The following SH2B1 variants were observed in gnomAD, a reference collection of about 807,000 sequenced individuals.
SH2B1 encodes the protein SH2B adaptor protein 1.
A neutral mutation model predicts 62.6 loss-of-function variants in SH2B1; 15 were observed. The ratio of observed to expected loss-of-function variants is 0.24; its 90% CI spans 0.16 to 0.37. SH2B1 has a LOEUF of 0.37. Among genes scored for constraint, SH2B1 ranks in the 10% least tolerant of loss-of-function variants. The pLI, the probability that SH2B1 is intolerant of heterozygous loss-of-function variation, is 1.00. For synonymous variants in SH2B1, 443 were observed against 438.0 expected, an observed-to-expected ratio of 1.01 and a Z score of -0.14; for missense variants, 925 against 1,015.6, an observed-to-expected ratio of 0.91 and a Z score of 1.21.
chr16:28,853,576 A>C (rs1962256979), intron 1 of SH2B1, among the ~76,000 whole-genome samples: 1 of 138,830 alleles, frequency 7.2e-6, no homozygotes, highest in African/African-American at 2.7e-5. Context: ...GGCTAGTCTC[A>C]AATTTCTGGC....
Position 28,873,678 on chromosome 16 carries a change from C to T in SH2B1, c.2129C>T (p.Pro710Leu), listed in dbSNP as rs1441487673. Residue 710 changes from proline (P) to leucine (L), a missense_variant, in exon 8 of 8, where the codon CCA becomes CTA. This residue lies in a region of SH2B1 where 185 missense variants were observed against 189.5 expected (regional missense o/e 0.98). Transcript: ENST00000684370. This position sits in a 1 kb window ranked among gnomAD's most constrained non-coding sequence, Gnocchi z 4.2. ...PVVELEEAIA[P>L]GSEAQGAGSG... ...GTTGAATTGGAAGAGGCCATAGCCC[C>T]AGGCTCAGAGGCCCAGGGCGCTGGG... 6.6e-7 allele frequency: 1 copy of T among 1,523,248 alleles called. No individual in the cohort carries two copies. Among genetic ancestry groups the T allele is most frequent in the Non-Finnish European group, 8.8e-7 (1 of 1,132,986 alleles). The allele number at this position is 1,523,248 out of a possible 1,614,324, so 94.4% of individuals were successfully genotyped here. A position where few individuals can be genotyped will look rare whatever the true frequency, so the allele number is the denominator to read the frequency against.
chr16:28,847,823 T>TC (rs967501686), intron 1 of SH2B1, among the ~76,000 whole-genome samples: 1 of 132,250 alleles, frequency 7.6e-6, no homozygotes, highest in African/African-American at 2.9e-5. Context: ...CATCTTTTTT[T>TC]TTTTTTTTTT....
chr16:28,853,014 TTA>T (rs1331849407), intron 1 of SH2B1, among the ~76,000 whole-genome samples: 1 of 77,098 alleles, frequency 1.3e-5, no homozygotes, highest in Non-Finnish European at 2.2e-5. Context: ...ACATATATAT[TTA>T]TATATGTACA....
intron 1 of SH2B1, among the ~76,000 whole-genome samples, chr16:28,852,732 A>G (rs1190336745): frequency 1.5e-5 from 1 of 64,670 alleles, no homozygotes; most frequent in East Asian, 4.0e-4. Flanking sequence ...ATTTATATAT[A>G]TACATATATA....
rs1276265494 is a variant in SH2B1 at position 28,852,567 on chromosome 16, TAC to T, written c.-301+5744_-301+5745del. ...ATATATATACACATATTTATATATA[TAC>T]ACATATATATTTATATATATACACA... is the stretch of plus-strand genomic sequence containing the variant. On this transcript the variant is annotated intron_variant, in intron 1 of 10. Transcript: ENST00000322610. Among the ~76,000 whole-genome samples, 16 of 37,436 alleles carry T rather than the reference TAC, an allele frequency of 4.3e-4. 4 individuals carry two copies. The highest frequency in any genetic ancestry group is 2.6e-3 in the African/African-American group (15 of 5,854). 24.6% of individuals were successfully genotyped at this position (37,436 alleles called of 152,430 possible).
At chr16:28,855,066 G>GT (rs1189409449) in intron 1 of SH2B1, among the ~76,000 whole-genome samples, 2 of 151,952 alleles carry the variant, frequency 1.3e-5, no homozygotes, top group Non-Finnish European at 2.9e-5. Context: ...AGTAGACAGG[G>GT]TATCACCATG....
In SH2B1 at chr16:28,852,746, T is replaced by G. The variant is rs1275470653; in HGVS notation, c.-301+5919T>G. Among the ~76,000 whole-genome samples the G allele has an allele frequency of 1.1e-4, 6 of 53,440 alleles. 1 individual carries two copies. Among genetic ancestry groups the G allele is most frequent in the East Asian group, 5.8e-4 (1 of 1,722 alleles). 35.1% of individuals were successfully genotyped at this position (53,440 alleles called of 152,430 possible). A position where few individuals can be genotyped will look rare whatever the true frequency, so the allele number is the denominator to read the frequency against. On this transcript the variant is annotated intron_variant, in intron 1 of 10. Transcript: ENST00000322610. ...TATTTATATATATACATATATATATTTACATATATATGTATATATATATTT... is the reference window on the plus strand; with the variant it reads ...TATTTATATATATACATATATATATGTACATATATATGTATATATATATTT...
In SH2B1 at chr16:28,872,740, C is replaced by T. The variant is rs751731030; in HGVS notation, c.1897+35C>T. On this transcript the variant is annotated intron_variant, in intron 7 of 7. Coordinates refer to ENST00000684370, the MANE Select transcript of SH2B1 (RefSeq NM_001387430.1). The surrounding 1 kb of genome is among the most constrained non-coding windows in gnomAD (Gnocchi z 5.3). ...GCAGGTCTGCAGGGGAGGAGGTGCC[C>T]GTGCACCCAAGAAGTGAGGTGTGTG... The T allele has an allele frequency of 1.1e-5, 17 of 1,612,014 alleles. No homozygotes were observed. The highest frequency in any genetic ancestry group is 1.6e-4 in the Middle Eastern group (1 of 6,082).
chr16:28,850,715 C>T (rs1226723096), intron 1 of SH2B1, among the ~76,000 whole-genome samples: 1 of 150,956 alleles, frequency 6.6e-6, no homozygotes, highest in Non-Finnish European at 1.5e-5. Flanking sequence ...AAAAATTAGC[C>T]AGGAGTGGTG....
At chr16:28,870,993 C>CTG (rs1962991907) in intron 4 of SH2B1, among the ~76,000 whole-genome samples, 1 of 126,946 alleles carries the variant, frequency 7.9e-6, no homozygotes, top group East Asian at 2.5e-4. Flanking sequence ...AGCCAGAATT[C>CTG]CGTGTGTGTG....
chr16:28,851,172 C>CAAAAAAAA (rs370837963), intron 1 of SH2B1, among the ~76,000 whole-genome samples: 1 of 130,066 alleles, frequency 7.7e-6, no homozygotes, highest in Non-Finnish European at 1.6e-5. Context: ...GACTCTGTCT[C>CAAAAAAAA]AAAAAGAAAA....
upstream of SH2B1, chr16:28,862,612 C>CTTTTT (rs71140999): frequency 2.2e-5 from 2 of 92,272 alleles, no homozygotes; most frequent in Non-Finnish European, 4.1e-5. Flanking sequence ...GACCTCAATT[C>CTTTTT]TTTTTTTTTT....
chr16:28,863,539 G>C (rs1962522841), upstream of SH2B1: 6 of 780,084 alleles, frequency 7.7e-6, no homozygotes, highest in South Asian at 1.1e-4. Context: ...CCTCAGCCGG[G>C]CCCTGGGACT....
chr16:28,868,963 TCCCTGC>T, intron 2 of SH2B1, 37 bp from the exon 3 acceptor site: 1 of 1,476,810 alleles, frequency 6.8e-7, no homozygotes, highest in Non-Finnish European at 9.5e-7. Flanking sequence ...TTAAGCCTCC[TCCCTGC>T]CCCTGCCCCA....
rs2152189682 is a variant in SH2B1, at chr16:28,873,471, C to T, written c.1922C>T (p.Pro641Leu). 1 of 1,569,318 alleles carries T rather than the reference C, an allele frequency of 6.4e-7. No homozygotes were observed. The highest frequency in any genetic ancestry group is 8.6e-7 in the Non-Finnish European group (1 of 1,161,984). ...GAACCGACCACCTCCCATGACCCACCCCAGCCCCCTGAACCCCCTTCATGG... is the reference window on the plus strand; with the variant it reads ...GAACCGACCACCTCCCATGACCCACTCCAGCCCCCTGAACCCCCTTCATGG... ...QQEPTTSHDPPQPPEPPSWTD... is the reference protein window; with the variant it reads ...QQEPTTSHDPLQPPEPPSWTD... Residue 641 changes from proline (P) to leucine (L), a missense_variant, in exon 8 of 8, where the codon CCC (proline) becomes CTC (leucine). This residue lies in a region of SH2B1 where 185 missense variants were observed against 189.5 expected (regional missense o/e 0.98). Coordinates refer to ENST00000684370, the MANE Select transcript of SH2B1 (RefSeq NM_001387430.1). This position sits in a 1 kb window ranked among gnomAD's most constrained non-coding sequence, Gnocchi z 4.2.
intron 4 of SH2B1, among the ~76,000 whole-genome samples, chr16:28,869,752 CA>C (rs1567470117): frequency 6.6e-6 from 1 of 152,200 alleles, no homozygotes; most frequent in Non-Finnish European, 1.5e-5. Flanking sequence ...CTGTGTCTGT[CA>C]GGGGCAATCA....
In SH2B1 at chr16:28,866,401, C is replaced by A. The variant is rs1314776596; in HGVS notation, c.307C>A (p.Pro103Thr). ...CCTGAGCCCTGGTGCGGAGATTTCG[C>A]CACATGACCTGTCCCTTGAGAGCTG... is the stretch of plus-strand genomic sequence containing the variant. Reference protein sequence around the residue: ...APLSPGAEISPHDLSLESCRV... With the variant: ...APLSPGAEISTHDLSLESCRV... Residue 103 changes from proline (P) to threonine (T), a missense_variant, in exon 1 of 8, where the codon CCA (proline) becomes ACA (threonine). Physicochemically the swap from Pro to Thr is conservative, Grantham distance 38 (BLOSUM62 -1). Transcript: ENST00000684370. The surrounding 1 kb of genome is among the most constrained non-coding windows in gnomAD (Gnocchi z 6.3). The A allele has an allele frequency of 2.5e-6, 4 of 1,613,860 alleles. No homozygotes were observed. In the East Asian group the frequency reaches 6.7e-5, roughly 27 times the overall value.
At position 28,865,074 on chromosome 16, in the gene SH2B1, A is replaced by C; in HGVS notation, c.-1021A>C. ...GGTCTGACTCAAGTCCATGGCCTTA[A>C]CCAGAAGGCTAACCTGCCTTTAGGG... On this transcript the variant is annotated 5_prime_UTR_variant, in exon 1 of 8. Coordinates refer to ENST00000684370, the MANE Select transcript of SH2B1 (RefSeq NM_001387430.1). The C allele has an allele frequency of 1.0e-6, 1 of 985,448 alleles. No individual in the cohort carries two copies. Among genetic ancestry groups the C allele is most frequent in the Non-Finnish European group, 1.2e-6 (1 of 829,904 alleles). The allele number at this position is 985,448 out of a possible 1,614,324, so 61.0% of individuals were successfully genotyped here.
Position 28,873,719 on chromosome 16 carries a change from G to C in SH2B1, c.2170G>C (p.Gly724Arg), listed in dbSNP as rs78841052. 3.7e-5 allele frequency: 56 copies of C among 1,498,912 alleles called. No homozygotes were observed. The East Asian group carries it at 1.4e-3, about 37-fold the overall frequency. The allele number at this position is 1,498,912 out of a possible 1,614,324, so 92.9% of individuals were successfully genotyped here. The change falls in exon 8 of 8, where the codon GGG becomes CGG. Residue 724 changes from glycine to arginine, a missense_variant. Around this residue, in one of 3 missense-constraint regions of SH2B1, gnomAD observed 185 missense variants for 189.5 expected, o/e 0.98. Transcript: ENST00000684370. This position sits in a 1 kb window ranked among gnomAD's most constrained non-coding sequence, Gnocchi z 4.2. The part of the protein sequence containing the change: ...AQGAGSGGDA[G>R]VPPMVQLQQS... Reference sequence around the variant, plus strand: ...GGGCGCTGGGTCTGGTGGGGACGCGGGGGTGCCCCCAATGGTGCAGCTGCA... The same window carrying C: ...GGGCGCTGGGTCTGGTGGGGACGCGCGGGTGCCCCCAATGGTGCAGCTGCA...
Sources: gnomAD v4.1 joint callset for allele counts (sites outside exome capture counted in the v4.1 genomes callset) on GRCh38, gnomAD v4.1.1 for gene constraint, gnomAD v4.1.1 regional missense constraint, Gnocchi (gnomAD v3.1) non-coding constraint, MANE v1.5 for transcripts, NCBI Gene and HGNC (gene_info 2026-07-23, HGNC 2026-07-21) for gene names.